Variants in DLG2 observed in about 807,000 individuals in gnomAD.
DLG2 encodes the protein disks large homolog 2.
Under a neutral mutation model 132.5 loss-of-function variants are expected in DLG2, and 45 were observed. That is an observed-to-expected ratio of 0.34 (90% CI 0.27 to 0.44). The LOEUF is 0.44. Ranked by LOEUF, DLG2 falls within the 20% of genes least tolerant of loss-of-function variation. The pLI is 1.00. For synonymous variants in DLG2, 424 were observed against 419.6 expected (o/e 1.01, Z -0.13); for missense variants, 1,045 against 1,196.9 (o/e 0.87, Z 1.87).
chr11:84,610,554 T>C (rs893435173), intron 6 of DLG2, among the ~76,000 whole-genome samples: 4 of 152,090 alleles, frequency 2.6e-5, no homozygotes, highest in Non-Finnish European at 5.9e-5. Flanking sequence ...TCTACTCCAC[T>C]ACTGATGAAT....
chr11:84,433,428 G>A (rs763114982), intron 7 of DLG2, among the ~76,000 whole-genome samples: 3 of 152,108 alleles, frequency 2.0e-5, no homozygotes, highest in Non-Finnish European at 2.9e-5. Context: ...CGTGACAACA[G>A]GCATACAAGT....
chr11:84,813,101 T>C (rs2076742426), intron 6 of DLG2, among the ~76,000 whole-genome samples: 1 of 152,104 alleles, frequency 6.6e-6, no homozygotes, highest in Non-Finnish European at 1.5e-5. Context: ...AGAGTGAATA[T>C]ATAGATGAGA....
Position 85,227,783 on chromosome 11 carries a change from C to A in DLG2, c.186+57437G>T, listed in dbSNP as rs187905836. ...CTTATATGATGTAGCTTCCTACCAC[C>A]TACCTGGCCTCATCTGCTACTACTC... is the stretch of plus-strand genomic sequence containing the variant. On this transcript the variant is annotated intron_variant, in intron 4 of 27. Coordinates refer to ENST00000376104, the MANE Select transcript of DLG2 (RefSeq NM_001142699.3). Among the ~76,000 whole-genome samples the A allele has an allele frequency of 9.2e-5, 14 of 152,130 alleles. No individual in the cohort carries two copies. The East Asian group carries it at 2.7e-3, about 29-fold the overall frequency.
chr11:84,836,203 GTATAAAATATT>G (rs2079751619), intron 6 of DLG2, among the ~76,000 whole-genome samples: 2 of 151,740 alleles, frequency 1.3e-5, no homozygotes, highest in African/African-American at 4.8e-5. Context: ...ATACAAGCTG[GTATAAAATATT>G]TAATACTTAG....
intron 6 of DLG2, among the ~76,000 whole-genome samples, chr11:84,809,925 C>T (rs2076385851): frequency 6.6e-6 from 1 of 151,822 alleles, no homozygotes; most frequent in African/African-American, 2.4e-5. Flanking sequence ...AAAAGACATG[C>T]CCAATTGGCT....
At chr11:84,511,917 A>G (rs2099258120) in intron 7 of DLG2, among the ~76,000 whole-genome samples, 1 of 152,156 alleles carries the variant, frequency 6.6e-6, no homozygotes, top group Admixed American at 6.5e-5. Context: ...AACTGTATTA[A>G]TCCTCACAAC....
chr11:84,251,307 G>GA lies in DLG2; in HGVS notation c.520-17dup, dbSNP rs773273025. 1.4e-5 allele frequency: 21 copies of GA among 1,549,530 alleles called. No homozygotes were observed. The highest frequency in any genetic ancestry group is 7.5e-5 in the South Asian group (6 of 80,420). On this transcript the variant is annotated splice_polypyrimidine_tract_variant and intron_variant, in intron 7 of 27. Transcript: ENST00000376104. Reference sequence around the variant, plus strand: ...CAGGACTGGCCTGAAAAAAGAAATAGAAAAAAAATTAAATAATGAATAGTG... The same window carrying GA: ...CAGGACTGGCCTGAAAAAAGAAATAGAAAAAAAAATTAAATAATGAATAGTG...
chr11:84,727,007 G>A (rs2062557488), intron 6 of DLG2, among the ~76,000 whole-genome samples: 1 of 152,172 alleles, frequency 6.6e-6, no homozygotes, highest in Non-Finnish European at 1.5e-5. Flanking sequence ...CCCTTTGTCA[G>A]ATGGATAGAT....
intron 3 of DLG2, among the ~76,000 whole-genome samples, chr11:85,529,069 G>A (rs1327734899): frequency 6.6e-6 from 1 of 152,164 alleles, no homozygotes; most frequent in Non-Finnish European, 1.5e-5. Flanking sequence ...AGAAAAAGAC[G>A]AATCTACGTG....
intron 5 of DLG2, among the ~76,000 whole-genome samples, chr11:85,151,334 T>C (rs534224249): frequency 2.0e-5 from 3 of 152,296 alleles, no homozygotes; most frequent in African/African-American, 7.2e-5. Flanking sequence ...CTCTGGTCAT[T>C]GTTTTCTTTG....
chr11:84,249,516 A>T (rs1210970871), intron 8 of DLG2, among the ~76,000 whole-genome samples: 1 of 152,176 alleles, frequency 6.6e-6, no homozygotes, highest in Non-Finnish European at 1.5e-5. Flanking sequence ...CAGTTACTTG[A>T]CCTCTTTATG....
intron 8 of DLG2, among the ~76,000 whole-genome samples, chr11:84,171,205 G>A (rs1278410822): frequency 2.0e-5 from 3 of 152,058 alleles, no homozygotes; most frequent in Non-Finnish European, 2.9e-5. Flanking sequence ...AACTTGAGGA[G>A]GCTGATGTTC....
chr11:85,419,779 A>G (rs2152993107), intron 3 of DLG2, among the ~76,000 whole-genome samples: 1 of 152,312 alleles, frequency 6.6e-6, no homozygotes, highest in Non-Finnish European at 1.5e-5. Flanking sequence ...TTTCAGCTCC[A>G]TTAGGTAATT....
intron 6 of DLG2, among the ~76,000 whole-genome samples, chr11:84,743,215 G>A (rs2153825770): frequency 6.6e-6 from 1 of 152,172 alleles, no homozygotes; most frequent in African/African-American, 2.4e-5. Flanking sequence ...TGACATTGGT[G>A]TAAAGAGAGG....
chr11:83,849,712 G>T (rs1161250686), intron 16 of DLG2, among the ~76,000 whole-genome samples: 2 of 149,696 alleles, frequency 1.3e-5, no homozygotes, highest in Non-Finnish European at 3.0e-5. Flanking sequence ...GCAGATGCAG[G>T]TTTTATGTGG....
At chr11:83,581,392 C>T (rs2096973434) in intron 19 of DLG2, among the ~76,000 whole-genome samples, 1 of 152,066 alleles carries the variant, frequency 6.6e-6, no homozygotes, top group African/African-American at 2.4e-5. Context: ...CACTGTTAAT[C>T]AAAGAGCTTA....
intron 6 of DLG2, among the ~76,000 whole-genome samples, chr11:84,780,459 G>A (rs567374119): frequency 6.9e-4 from 105 of 152,076 alleles, no homozygotes; most frequent in Non-Finnish European, 1.3e-3. Context: ...TTTCCTGTAA[G>A]AACTGGAACA....
chr11:84,001,760 T>C (rs1365627009), intron 11 of DLG2, among the ~76,000 whole-genome samples: 1 of 152,082 alleles, frequency 6.6e-6, no homozygotes, highest in Non-Finnish European at 1.5e-5. Context: ...TCACATGGAA[T>C]AAAATTATAA....
chr11:84,987,579 G>T (rs570563706), intron 6 of DLG2, among the ~76,000 whole-genome samples: 1 of 152,034 alleles, frequency 6.6e-6, no homozygotes, highest in Non-Finnish European at 1.5e-5. Context: ...GCACATAGAC[G>T]AATGGAACAG....
Sources: gnomAD v4.1 joint callset for allele counts (sites outside exome capture counted in the v4.1 genomes callset) on GRCh38, gnomAD v4.1.1 for gene constraint, MANE v1.5 for transcripts, NCBI Gene and HGNC (gene_info 2026-07-23, HGNC 2026-07-21) for gene names.